Variants in CCDC172 observed in about 807,000 individuals in gnomAD.
CCDC172 encodes coiled-coil domain containing 172.
CCDC172 carries 30 observed loss-of-function variants against 38.0 expected under a neutral mutation model. The observed-to-expected ratio is 0.79, with a 90% confidence interval of 0.59 to 1.07. The LOEUF is 1.07. Among genes scored for constraint, CCDC172 ranks in the 50% least tolerant of loss-of-function variants. CCDC172 has a pLI of 0.00. For missense variants in CCDC172, 297 were observed against 290.1 expected, an observed-to-expected ratio of 1.02 and a Z score of -0.17; for synonymous variants, 78 against 88.3, an observed-to-expected ratio of 0.88 and a Z score of 0.66.
chr10:116,352,960 A>G (rs1222172686), intron 5 of CCDC172, among the ~76,000 whole-genome samples: 2 of 152,052 alleles, frequency 1.3e-5, no homozygotes, highest in Non-Finnish European at 2.9e-5. Flanking sequence ...TTGGGAGGCC[A>G]AGGCGGGTGG....
intron 3 of CCDC172, among the ~76,000 whole-genome samples, chr10:116,330,143 A>G (rs1844642097): frequency 6.6e-6 from 1 of 152,204 alleles, no homozygotes; most frequent in Non-Finnish European, 1.5e-5. Flanking sequence ...AAGTAAGCCT[A>G]AAATGTCAAG....
intron 3 of CCDC172, among the ~76,000 whole-genome samples, chr10:116,331,133 T>C (rs1445964340): frequency 6.6e-6 from 1 of 152,184 alleles, no homozygotes; most frequent in Non-Finnish European, 1.5e-5. Flanking sequence ...TGGAAAGTCA[T>C]TTTTCAATAC....
rs912020471 is a variant in CCDC172, at chr10:116,324,938, G to C, written c.-65-9G>C. The C allele has an allele frequency of 8.2e-7, 1 of 1,214,558 alleles. No homozygotes were observed. Among genetic ancestry groups the C allele is most frequent in the African/African-American group, 1.5e-5 (1 of 67,188 alleles). 75.2% of individuals were successfully genotyped at this position (1,214,558 alleles called of 1,614,324 possible). On this transcript the variant is annotated splice_polypyrimidine_tract_variant and intron_variant, in intron 1 of 8. Transcript: ENST00000333254. ...TAGAAGAATCCATCTTCTTTATTCT[G>C]CTTTCCAGGATCCTCAGAGTTGGTT... is the stretch of plus-strand genomic sequence containing the variant.
intron 5 of CCDC172, 85 bp downstream of exon 5, chr10:116,342,286 T>C: frequency 8.3e-7 from 1 of 1,203,226 alleles, no homozygotes. Flanking sequence ...ATTTAACTTT[T>C]TCATGAGCAA....
intron 5 of CCDC172, among the ~76,000 whole-genome samples, chr10:116,350,723 G>C (rs545551030): frequency 2.6e-5 from 4 of 152,214 alleles, no homozygotes; most frequent in African/African-American, 9.6e-5. Context: ...GATTGGCAAT[G>C]TACATATGAG....
Position 116,324,948 on chromosome 10 carries a change from A to C in CCDC172, c.-64A>C. The stretch of plus-strand genomic sequence containing the variant: ...CATCTTCTTTATTCTGCTTTCCAGG[A>C]TCCTCAGAGTTGGTTATAAAATATT... On this transcript the variant is annotated splice_region_variant and 5_prime_UTR_variant, in exon 2 of 9. Coordinates refer to ENST00000333254, the MANE Select transcript of CCDC172 (RefSeq NM_198515.3). 7.7e-7 allele frequency: 1 copy of C among 1,294,366 alleles called. No individual in the cohort carries two copies. 80.2% of individuals were successfully genotyped at this position (1,294,366 alleles called of 1,614,324 possible). A position where few individuals can be genotyped will look rare whatever the true frequency, so the allele number is the denominator to read the frequency against.
chr10:116,357,579 A>G, intron 6 of CCDC172, 98 bp downstream of exon 6: 1 of 1,007,048 alleles, frequency 9.9e-7, no homozygotes, highest in Non-Finnish European at 1.4e-6. Context: ...ACCTGTTGTG[A>G]TATAGTGCTA....
rs1006916190 is a variant in CCDC172, at chr10:116,379,878, T to G, written c.*520T>G. On this transcript the variant is annotated 3_prime_UTR_variant, in exon 9 of 9. Coordinates refer to ENST00000333254, the MANE Select transcript of CCDC172 (RefSeq NM_198515.3). ...AGTGTATAGCACTTCTCCACTTTGC[T>G]CCTGCTGCCACCGTATGAGATGTCT... is the stretch of plus-strand genomic sequence containing the variant. The G allele has an allele frequency of 1.3e-5, 2 of 152,330 alleles. No individual in the cohort carries two copies. The highest frequency in any genetic ancestry group is 2.9e-5 in the Non-Finnish European group (2 of 68,192). 9.4% of individuals were successfully genotyped at this position (152,330 alleles called of 1,614,324 possible). A position where few individuals can be genotyped will look rare whatever the true frequency, so the allele number is the denominator to read the frequency against.
In CCDC172 at chr10:116,351,408, A is replaced by T. The variant is rs1167385713; in HGVS notation, c.449-5972A>T. ...GGACAGAAACATTGTGAATAATCAA[A>T]AATATTTAAAGTCAATTATATGATT... On this transcript the variant is annotated intron_variant, in intron 5 of 8. Transcript: ENST00000333254. 2.6e-5 allele frequency among the ~76,000 whole-genome samples: 4 copies of T among 152,172 alleles called. 1 individual carries two copies. Among genetic ancestry groups the T allele is most frequent in the African/African-American group, 9.7e-5 (4 of 41,440 alleles).
intron 5 of CCDC172, 113 bp from the exon 6 acceptor site, chr10:116,357,267 T>C: frequency 1.6e-6 from 1 of 630,102 alleles, no homozygotes; most frequent in Non-Finnish European, 2.7e-6. Flanking sequence ...ATTTGTGTTG[T>C]CTTCACTTTC....
At chr10:116,344,864 T>TAA (rs77344850) in intron 5 of CCDC172, among the ~76,000 whole-genome samples, 10 of 116,678 alleles carry the variant, frequency 8.6e-5, no homozygotes, top group Non-Finnish European at 1.5e-4. Context: ...TACTTGAAAC[T>TAA]AAAAAAAAAA....
At chr10:116,367,838 CCTCT>C (rs1180689406) in intron 7 of CCDC172, among the ~76,000 whole-genome samples, 2 of 151,616 alleles carry the variant, frequency 1.3e-5, no homozygotes, top group South Asian at 2.1e-4. Flanking sequence ...TTCCCTTTCT[CCTCT>C]CTCTCTCCTT....
intron 4 of CCDC172, among the ~76,000 whole-genome samples, chr10:116,341,410 C>T (rs1844793225): frequency 6.6e-6 from 1 of 152,018 alleles, no homozygotes. Flanking sequence ...AATTCATTGA[C>T]ATAGCTTAGA....
At chr10:116,371,537 G>A (rs10787665) in intron 7 of CCDC172, among the ~76,000 whole-genome samples, 102,949 of 151,810 alleles carry the variant, frequency 0.68, 39,349 homozygotes, top group South Asian at 0.92. Context: ...TGCTATCAGT[G>A]TTATGCTTGC....
chr10:116,329,259 A>G (rs1241309070), intron 3 of CCDC172, among the ~76,000 whole-genome samples: 2 of 152,150 alleles, frequency 1.3e-5, no homozygotes, highest in African/African-American at 4.8e-5. Context: ...GTGTCCTTTG[A>G]GTATTGTATT....
intron 5 of CCDC172, among the ~76,000 whole-genome samples, chr10:116,346,734 A>T (rs1002577113): frequency 6.6e-6 from 1 of 151,616 alleles, no homozygotes; most frequent in Non-Finnish European, 1.5e-5. Context: ...ATATGGATTT[A>T]TTTTAAAAGA....
intron 7 of CCDC172, among the ~76,000 whole-genome samples, chr10:116,361,270 C>T (rs1468343637): frequency 6.6e-6 from 1 of 152,048 alleles, no homozygotes; most frequent in African/African-American, 2.4e-5. Context: ...CAGGCGTGAG[C>T]CACTGCACAA....
chr10:116,341,515 G>T (rs752116276), intron 4 of CCDC172, among the ~76,000 whole-genome samples: 3 of 151,954 alleles, frequency 2.0e-5, no homozygotes, highest in Non-Finnish European at 2.9e-5. Flanking sequence ...CTGCCATGTT[G>T]ATACTTCATA....
At chr10:116,350,706 C>G (rs2134938238) in intron 5 of CCDC172, among the ~76,000 whole-genome samples, 1 of 152,186 alleles carries the variant, frequency 6.6e-6, no homozygotes, top group African/African-American at 2.4e-5. Flanking sequence ...TGGCAATATC[C>G]TTTAATGATT....
Sources: gnomAD v4.1 joint callset for allele counts (sites outside exome capture counted in the v4.1 genomes callset) on GRCh38, gnomAD v4.1.1 for gene constraint, MANE v1.5 for transcripts, NCBI Gene and HGNC (gene_info 2026-07-23, HGNC 2026-07-21) for gene names.